Variants in TFEC observed in about 807,000 individuals in gnomAD.
TFEC encodes transcription factor EC, also known as class E basic helix-loop-helix protein 34.
TFEC carries 31 observed loss-of-function variants against 41.6 expected under a neutral mutation model. The ratio of observed to expected loss-of-function variants is 0.74; its 90% CI spans 0.56 to 1.01. TFEC has a LOEUF of 1.01. Among genes scored for constraint, TFEC ranks in the 50% least tolerant of loss-of-function variants. The pLI is 0.00. For synonymous variants in TFEC, 143 were observed against 140.6 expected (o/e 1.02, Z -0.12); for missense variants, 402 against 404.1 (o/e 0.99, Z 0.04).
intron 1 of TFEC, among the ~76,000 whole-genome samples, chr7:115,999,022 C>T (rs954858242): frequency 6.6e-6 from 1 of 151,924 alleles, no homozygotes; most frequent in Admixed American, 6.6e-5. Flanking sequence ...TCAATGGCTA[C>T]AATATACACA....
chr7:115,991,551 AC>A (rs1487407692), intron 1 of TFEC, among the ~76,000 whole-genome samples: 2 of 152,152 alleles, frequency 1.3e-5, no homozygotes, highest in African/African-American at 4.8e-5. Context: ...CAAATGGAAA[AC>A]AAAAAAAAGG....
At chr7:116,125,837 C>A (rs1291308238) in intron 1 of TFEC, among the ~76,000 whole-genome samples, 1 of 152,098 alleles carries the variant, frequency 6.6e-6, no homozygotes, top group African/African-American at 2.4e-5. Context: ...AAGAAAATAT[C>A]CAGCTGACAG....
chr7:116,109,897 A>T (rs1408078622), intron 3 of TFEC, among the ~76,000 whole-genome samples: 2 of 152,224 alleles, frequency 1.3e-5, no homozygotes, highest in Non-Finnish European at 2.9e-5. Context: ...ATGCAGCCAT[A>T]AAAAAGGATG....
At chr7:115,957,619 C>CAGGATT (rs1792305036) in intron 3 of TFEC, among the ~76,000 whole-genome samples, 1 of 151,892 alleles carries the variant, frequency 6.6e-6, no homozygotes, top group Admixed American at 6.6e-5. Context: ...CCAGAACAAG[C>CAGGATT]TGCATTCACT....
intron 3 of TFEC, among the ~76,000 whole-genome samples, chr7:116,095,358 T>C (rs187027248): frequency 6.6e-6 from 1 of 152,314 alleles, no homozygotes; most frequent in East Asian, 1.9e-4. Context: ...GGTACAGGCA[T>C]GCATGAGTGA....
intron 1 of TFEC, among the ~76,000 whole-genome samples, chr7:116,151,909 A>T (rs1322304148): frequency 1.3e-5 from 2 of 152,156 alleles, no homozygotes; most frequent in East Asian, 3.8e-4. Flanking sequence ...CAAAGATAAA[A>T]TTTCTAGAAG....
intron 1 of TFEC, among the ~76,000 whole-genome samples, chr7:116,027,070 A>G (rs1042256718): frequency 2.0e-5 from 3 of 152,150 alleles, no homozygotes; most frequent in Admixed American, 1.3e-4. Flanking sequence ...GTTCAAATCC[A>G]TTTGAGTCTA....
intron 3 of TFEC, among the ~76,000 whole-genome samples, chr7:116,099,417 C>T (rs1373686644): frequency 6.6e-6 from 1 of 152,176 alleles, no homozygotes; most frequent in Non-Finnish European, 1.5e-5. Context: ...CTCCCTCTAT[C>T]CACTCCATTA....
At chr7:116,148,460 G>A (rs1415169016) in intron 1 of TFEC, among the ~76,000 whole-genome samples, 1 of 152,162 alleles carries the variant, frequency 6.6e-6, no homozygotes, top group Non-Finnish European at 1.5e-5. Flanking sequence ...ATGGAGTGGT[G>A]AGAAGTGGTT....
intron 2 of TFEC, among the ~76,000 whole-genome samples, chr7:115,979,505 T>C (rs921212163): frequency 6.6e-6 from 1 of 152,190 alleles, no homozygotes; most frequent in Non-Finnish European, 1.5e-5. Context: ...ATATAGGATG[T>C]GCAGTTTGTT....
At chr7:116,130,327 T>C (rs1798307806) in intron 1 of TFEC, among the ~76,000 whole-genome samples, 1 of 152,200 alleles carries the variant, frequency 6.6e-6, no homozygotes, top group African/African-American at 2.4e-5. Context: ...CTCAACGTGC[T>C]CTTTATGGCA....
chr7:116,142,387 T>C (rs1440206536), intron 1 of TFEC, among the ~76,000 whole-genome samples: 2 of 152,182 alleles, frequency 1.3e-5, no homozygotes, highest in Non-Finnish European at 2.9e-5. Context: ...TTAGGGAATC[T>C]ATCTTTATTT....
chr7:116,035,265 C>G (rs934752756), upstream of TFEC, among the ~76,000 whole-genome samples: 6 of 151,950 alleles, frequency 3.9e-5, no homozygotes, highest in African/African-American at 1.4e-4. Flanking sequence ...GTCTGAATCT[C>G]AAGCTTTACC....
chr7:116,109,608 C>T (rs1317555804), intron 3 of TFEC, among the ~76,000 whole-genome samples: 1 of 152,150 alleles, frequency 6.6e-6, no homozygotes, highest in Non-Finnish European at 1.5e-5. Flanking sequence ...GAAATAGGAA[C>T]ACTTTTACAC....
chr7:116,092,717 A>T (rs190274832), intron 3 of TFEC, among the ~76,000 whole-genome samples: 1 of 152,244 alleles, frequency 6.6e-6, no homozygotes, highest in African/African-American at 2.4e-5. Flanking sequence ...ATTCTCCACC[A>T]ACTACACAAG....
At chr7:116,124,883 A>G (rs1210193194) in intron 1 of TFEC, among the ~76,000 whole-genome samples, 2 of 152,206 alleles carry the variant, frequency 1.3e-5, no homozygotes, top group Non-Finnish European at 2.9e-5. Context: ...GTAGAGGTAA[A>G]CAAAGAATGC....
At chr7:116,071,339 A>G (rs1796822749) in intron 3 of TFEC, among the ~76,000 whole-genome samples, 1 of 150,546 alleles carries the variant, frequency 6.6e-6, no homozygotes, top group African/African-American at 2.4e-5. Flanking sequence ...CACAGCAGGC[A>G]TACTAGAGTT....
At chr7:115,989,318 A>G (rs1793998968) in intron 1 of TFEC, among the ~76,000 whole-genome samples, 1 of 152,106 alleles carries the variant, frequency 6.6e-6, no homozygotes, top group Non-Finnish European at 1.5e-5. Flanking sequence ...CCAGTCTACA[A>G]CTCCCAGCGT....
intron 1 of TFEC, among the ~76,000 whole-genome samples, chr7:116,011,720 C>T (rs904824151): frequency 7.9e-5 from 12 of 152,132 alleles, no homozygotes; most frequent in Admixed American, 4.6e-4. Context: ...GGAGGAGGAC[C>T]TAGTGGGAGG....
Sources: gnomAD v4.1 joint callset for allele counts (sites outside exome capture counted in the v4.1 genomes callset) on GRCh38, gnomAD v4.1.1 for gene constraint, MANE v1.5 for transcripts, NCBI Gene and HGNC (gene_info 2026-07-23, HGNC 2026-07-21) for gene names.